Variants in SDK1 observed in about 807,000 individuals in gnomAD.
SDK1 encodes the protein sidekick cell adhesion molecule 1.
A neutral mutation model predicts 245.5 loss-of-function variants in SDK1; 157 were observed. That is an observed-to-expected ratio of 0.64 (90% CI 0.56 to 0.73). SDK1 has a LOEUF of 0.73. SDK1 is among the 30% of genes least tolerant of loss of function. The pLI is 0.00. For missense variants in SDK1, 3,583 were observed against 3,002.3 expected (o/e 1.19, Z -4.52); for synonymous variants, 1,647 against 1,278.5 (o/e 1.29, Z -6.15).
chr7:4,242,848 C>T (rs999659456), intron 43 of SDK1, among the ~76,000 whole-genome samples: 11 of 152,226 alleles, frequency 7.2e-5, no homozygotes, highest in Non-Finnish European at 1.3e-4. Context: ...CCGCCCTCCA[C>T]TGAATTTGGG....
At chr7:3,738,050 C>G (rs1373981646) in intron 4 of SDK1, among the ~76,000 whole-genome samples, 1 of 152,218 alleles carries the variant, frequency 6.6e-6, no homozygotes, top group African/African-American at 2.4e-5. Context: ...GGGACGAAAG[C>G]TGGGGACCTC....
chr7:4,232,392 C>CTTTTT (rs1178308855), intron 40 of SDK1, among the ~76,000 whole-genome samples: 26 of 81,756 alleles, frequency 3.2e-4, no homozygotes, highest in Non-Finnish European at 4.6e-4. Context: ...TTCTTTTTTT[C>CTTTTT]TTTTCTTTTC....
intron 14 of SDK1, among the ~76,000 whole-genome samples, chr7:3,998,017 G>C (rs1784808418): frequency 6.6e-6 from 1 of 152,224 alleles, no homozygotes; most frequent in Non-Finnish European, 1.5e-5. Context: ...TGCAGCCGCG[G>C]GTTTTGGCAG....
intron 1 of SDK1, among the ~76,000 whole-genome samples, chr7:3,305,074 C>A (rs1293973460): frequency 1.3e-5 from 2 of 152,164 alleles, no homozygotes; most frequent in Non-Finnish European, 2.9e-5. Context: ...CTTTTATGGA[C>A]CTTGGGCCTG....
intron 1 of SDK1, among the ~76,000 whole-genome samples, chr7:3,366,912 T>A (rs563928456): frequency 2.6e-5 from 4 of 152,078 alleles, no homozygotes; most frequent in Non-Finnish European, 5.9e-5. Flanking sequence ...CAGCTAATTT[T>A]TGTATTTTTA....
chr7:3,903,137 GTT>G (rs1159092281), intron 5 of SDK1, among the ~76,000 whole-genome samples: 4 of 143,200 alleles, frequency 2.8e-5, no homozygotes, highest in African/African-American at 1.1e-4. Context: ...TTGTGGTTTT[GTT>G]TTTTGTTTTG....
chr7:3,710,001 G>A (rs1160234917), intron 4 of SDK1, among the ~76,000 whole-genome samples: 1 of 152,132 alleles, frequency 6.6e-6, no homozygotes, highest in Admixed American at 6.5e-5. Flanking sequence ...CATAGTTTCT[G>A]AAATTATTTG....
In SDK1 at chr7:4,114,128, C is replaced by T. The variant is rs768457794; in HGVS notation, c.3677C>T (p.Ala1226Val). 11 of 1,614,222 alleles carry T rather than the reference C, an allele frequency of 6.8e-6. No individual in the cohort carries two copies. Among genetic ancestry groups the T allele is most frequent in the Non-Finnish European group, 9.3e-6 (11 of 1,180,042 alleles). Residue 1226 changes from alanine (A) to valine (V), a missense_variant, in exon 25 of 45, where the codon GCC becomes GTC. By Grantham distance (64) the Ala-to-Val change is moderately conservative (BLOSUM62 0). Coordinates refer to ENST00000404826, the MANE Select transcript of SDK1 (RefSeq NM_152744.4). ...WRSDLQSSAVAQVVSDRLERE... is the reference protein window; with the variant it reads ...WRSDLQSSAVVQVVSDRLERE... ...TCAGACCTCCAGTCCTCAGCAGTGG[C>T]CCAAGTCGTCAGTGACCGGCTGGAG...
At chr7:4,023,782 G>A (rs1219124961) in intron 17 of SDK1, among the ~76,000 whole-genome samples, 2 of 152,196 alleles carry the variant, frequency 1.3e-5, no homozygotes, top group African/African-American at 4.8e-5. Flanking sequence ...TTCAGTTTTT[G>A]TTAGAAATTG....
chr7:3,933,123 C>CT (rs11364780), intron 5 of SDK1, among the ~76,000 whole-genome samples: 5,751 of 83,202 alleles, frequency 0.069, 841 homozygotes, highest in African/African-American at 0.24. Context: ...GCTCCTGGAT[C>CT]TTTTTTTTTT....
intron 4 of SDK1, among the ~76,000 whole-genome samples, chr7:3,760,248 A>G (rs1056664952): frequency 1.3e-5 from 2 of 152,124 alleles, no homozygotes; most frequent in African/African-American, 2.4e-5. Context: ...ATCAATTTCA[A>G]CAGAAGACTC....
At chr7:3,625,735 T>C (rs1782095666) in intron 2 of SDK1, among the ~76,000 whole-genome samples, 1 of 152,098 alleles carries the variant, frequency 6.6e-6, no homozygotes, top group South Asian at 2.1e-4. Flanking sequence ...TCTAATTAGC[T>C]CAAGCATTGG....
intron 4 of SDK1, among the ~76,000 whole-genome samples, chr7:3,706,603 C>T (rs777753423): frequency 5.3e-5 from 8 of 152,150 alleles, no homozygotes; most frequent in East Asian, 1.9e-4. Context: ...GGGGTTTCAC[C>T]ATGTTAGCCA....
intron 1 of SDK1, among the ~76,000 whole-genome samples, chr7:3,572,818 A>G (rs1048155345): frequency 2.0e-5 from 3 of 152,242 alleles, no homozygotes; most frequent in Non-Finnish European, 2.9e-5. Flanking sequence ...AAACGTAAAC[A>G]TGGTGAAAAA....
intron 4 of SDK1, among the ~76,000 whole-genome samples, chr7:3,802,527 C>A (rs925617280): frequency 5.7e-4 from 86 of 151,282 alleles, no homozygotes; most frequent in Non-Finnish European, 1.2e-3. Context: ...AGAATGAGAC[C>A]CTATATCAAA....
chr7:4,172,745 C>A (rs941896513), intron 32 of SDK1, among the ~76,000 whole-genome samples: 4 of 152,158 alleles, frequency 2.6e-5, no homozygotes, highest in African/African-American at 9.7e-5. Context: ...CCTGCCTCTT[C>A]CAGCTTCCGG....
intron 1 of SDK1, among the ~76,000 whole-genome samples, chr7:3,510,917 T>C (rs1782557153): frequency 6.6e-6 from 1 of 152,220 alleles, no homozygotes. Flanking sequence ...AATTAAAATA[T>C]TTTGATTTCC....
intron 38 of SDK1, among the ~76,000 whole-genome samples, chr7:4,217,600 C>A (rs1399678790): frequency 6.6e-6 from 1 of 151,502 alleles, no homozygotes; most frequent in Non-Finnish European, 1.5e-5. Context: ...GAGCACCAGG[C>A]CACCCGGAGA....
intron 4 of SDK1, among the ~76,000 whole-genome samples, chr7:3,665,981 C>T (rs1783519589): frequency 6.6e-6 from 1 of 152,102 alleles, no homozygotes; most frequent in Non-Finnish European, 1.5e-5. Context: ...CTTCCTATTC[C>T]AATTAGTCAG....
Sources: allele counts gnomAD v4.1 joint callset (sites outside exome capture counted in the v4.1 genomes callset), GRCh38; gene constraint gnomAD v4.1.1; transcripts MANE v1.5; gene names NCBI Gene and HGNC (gene_info 2026-07-23, HGNC 2026-07-21).